DOCK10: variants seen among roughly 807,000 people sequenced by gnomAD.
DOCK10 encodes the protein dedicator of cytokinesis protein 10.
Under a neutral mutation model 280.1 loss-of-function variants are expected in DOCK10, and 145 were observed. That is an observed-to-expected ratio of 0.52 (90% confidence interval 0.45 to 0.59). The LOEUF (loss-of-function observed/expected upper bound fraction) is 0.59. DOCK10 is among the 20% of genes least tolerant of loss of function. The pLI, the probability that DOCK10 is intolerant of heterozygous loss-of-function variation, is 0.00. For synonymous variants in DOCK10, 915 were observed against 942.2 expected, an observed-to-expected ratio of 0.97 and a Z score of 0.53; for missense variants, 2,368 against 2,651.7, an observed-to-expected ratio of 0.89 and a Z score of 2.35.
intron 19 of DOCK10, among the ~76,000 whole-genome samples, chr2:224,846,677 TG>T (rs1696377021): frequency 6.6e-6 from 1 of 152,008 alleles, no homozygotes; most frequent in Non-Finnish European, 1.5e-5. Context: ...TTGTATTTTT[TG>T]TAGAGATAGG....
chr2:224,971,310 G>A (rs996933800), intron 1 of DOCK10, among the ~76,000 whole-genome samples: 2 of 151,992 alleles, frequency 1.3e-5, no homozygotes, highest in African/African-American at 4.8e-5. Context: ...GTGTGGTTGG[G>A]TTGCAAGAGG....
intron 7 of DOCK10, among the ~76,000 whole-genome samples, chr2:224,880,074 C>T (rs1574984899): frequency 6.6e-6 from 1 of 152,112 alleles, no homozygotes; most frequent in Non-Finnish European, 1.5e-5. Context: ...TGAAATGAAA[C>T]ATTACAAAAT....
At chr2:224,847,127 G>T (rs930149661) in intron 19 of DOCK10, among the ~76,000 whole-genome samples, 1 of 152,090 alleles carries the variant, frequency 6.6e-6, no homozygotes, top group African/African-American at 2.4e-5. Flanking sequence ...AATGGATCTA[G>T]GTAAACAATA....
At position 224,936,239 on chromosome 2, in the gene DOCK10, A is replaced by C. The variant is rs146449036; in HGVS notation, c.124-4571T>G. Among the ~76,000 whole-genome samples, 881 of 152,306 alleles carry C rather than the reference A, an allele frequency of 5.8e-3. 13 individuals are homozygous for C. Among genetic ancestry groups the C allele is most frequent in the African/African-American group, 0.02 (822 of 41,580 alleles). On this transcript the variant is annotated intron_variant, in intron 1 of 55. Transcript: ENST00000258390. ...TTACTAAACACTTCAATTCTTCAGCAAAGTTAGTGAACTCACAATATTTTG... is the reference window on the plus strand; with the variant it reads ...TTACTAAACACTTCAATTCTTCAGCCAAGTTAGTGAACTCACAATATTTTG...
At chr2:224,998,415 A>G (rs1394031112) in intron 1 of DOCK10, among the ~76,000 whole-genome samples, 2 of 152,082 alleles carry the variant, frequency 1.3e-5, no homozygotes, top group Non-Finnish European at 2.9e-5. Context: ...CTCTTTTTAA[A>G]TATTTGCTTA....
chr2:224,991,432 T>A (rs752155236), intron 1 of DOCK10, among the ~76,000 whole-genome samples: 1 of 152,184 alleles, frequency 6.6e-6, no homozygotes, highest in Non-Finnish European at 1.5e-5. Context: ...GCATAAATAG[T>A]AGGTGGTATC....
intron 4 of DOCK10, among the ~76,000 whole-genome samples, chr2:224,889,895 A>G (rs945638829): frequency 2.6e-5 from 4 of 152,214 alleles, no homozygotes; most frequent in Non-Finnish European, 5.9e-5. Context: ...TGAGATTCAG[A>G]GGAAGGTTCC....
rs1270360667 is a variant in DOCK10 at position 224,796,431 on chromosome 2, A to AAAAG, written c.4828-9_4828-6dup. Reference sequence around the variant, plus strand: ...CTGGCTCACAGCTTTGATGAGCTAGAAAAGAAAAAAAATGAACTCTCAAAA... The same window carrying AAAAG: ...CTGGCTCACAGCTTTGATGAGCTAGAAAAGAAAGAAAAAAAATGAACTCTCAAAA... On this transcript the variant is annotated splice_region_variant and splice_polypyrimidine_tract_variant and intron_variant, in intron 43 of 55. Transcript: ENST00000258390. 4 of 1,535,832 alleles carry AAAAG rather than the reference A, an allele frequency of 2.6e-6. No homozygotes were observed. The African/African-American group carries it at 5.5e-5, about 21-fold the overall frequency.
Position 224,765,523 on chromosome 2 carries a change from G to T in DOCK10, c.*198C>A. ...TCATGGCAAATATTCAACCTGGCTT[G>T]ATCAACACTGCTCAAAGAAAAAAAA... On this transcript the variant is annotated 3_prime_UTR_variant, in exon 56 of 56. Coordinates refer to ENST00000258390, the MANE Select transcript of DOCK10 (RefSeq NM_014689.3). 2.0e-6 allele frequency: 1 copy of T among 505,126 alleles called. No individual in the cohort carries two copies. The highest frequency in any genetic ancestry group is 3.5e-6 in the Non-Finnish European group (1 of 283,934). 31.3% of individuals were successfully genotyped at this position (505,126 alleles called of 1,614,324 possible).
At chr2:224,880,475 G>A (rs533443929) in intron 7 of DOCK10, among the ~76,000 whole-genome samples, 1 of 152,280 alleles carries the variant, frequency 6.6e-6, no homozygotes, top group African/African-American at 2.4e-5. Flanking sequence ...AAGTATGATT[G>A]TTAAGTCATT....
In DOCK10 at chr2:224,852,829, C is replaced by T. The variant is rs1320411574; in HGVS notation, c.2076+106G>A. The T allele has an allele frequency of 7.1e-6, 7 of 989,386 alleles. No homozygotes were observed. In the East Asian group the frequency reaches 1.8e-4, roughly 25 times the overall value. 61.3% of individuals were successfully genotyped at this position (989,386 alleles called of 1,614,324 possible). ...ATCTTCTCCAAACGGTTTTCTATGA[C>T]AGAGTGTTGCCCCATAGTAATTTGT... On this transcript the variant is annotated intron_variant, in intron 17 of 55. Transcript: ENST00000258390.
At chr2:224,890,521 C>T (rs1308135481) in intron 4 of DOCK10, among the ~76,000 whole-genome samples, 1 of 152,186 alleles carries the variant, frequency 6.6e-6, no homozygotes, top group African/African-American at 2.4e-5. Context: ...TTATGACCAA[C>T]TCAGCTCAGA....
chr2:224,845,660 A>G lies in DOCK10; in HGVS notation c.2236-18T>C, dbSNP rs751656407. 1.1e-5 allele frequency: 18 copies of G among 1,600,580 alleles called. No homozygotes were observed. In the Admixed American group the frequency reaches 2.5e-4, roughly 22 times the overall value. On this transcript the variant is annotated intron_variant, in intron 19 of 55. Coordinates refer to ENST00000258390, the MANE Select transcript of DOCK10 (RefSeq NM_014689.3). ...ATTTTCACCTGCAACGAAAGAAACC[A>G]TAGTTGGACTGAGATTAAAATCATT... is the stretch of plus-strand genomic sequence containing the variant.
At chr2:224,877,191 AT>A in intron 7 of DOCK10, among the ~76,000 whole-genome samples, 3 of 152,198 alleles carry the variant, frequency 2.0e-5, no homozygotes, top group Non-Finnish European at 4.4e-5. Flanking sequence ...ACTTTCCTCA[AT>A]TTTCCAGTCT....
rs747431745 is a variant in DOCK10 at position 224,794,989 on chromosome 2, C to G, written c.5044G>C (p.Val1682Leu). 6.2e-7 allele frequency: 1 copy of G among 1,613,906 alleles called. No individual in the cohort carries two copies. The highest frequency in any genetic ancestry group is 1.7e-5 in the Admixed American group (1 of 60,008). ...TTTGCCAGGCTGTACTGGAGATCCACCAGCATCTCGGGGTCCTTCTCGTGC... is the reference window on the plus strand; with the variant it reads ...TTTGCCAGGCTGTACTGGAGATCCAGCAGCATCTCGGGGTCCTTCTCGTGC... ...KEHEKDPEMLVDLQYSLANSY... is the reference protein window; with the variant it reads ...KEHEKDPEMLLDLQYSLANSY... The change falls in exon 45 of 56, where the codon GTG (valine) becomes CTG (leucine). Residue 1682 changes from valine to leucine, a missense_variant. By Grantham distance (32) the Val-to-Leu change is conservative. Coordinates refer to ENST00000258390, the MANE Select transcript of DOCK10 (RefSeq NM_014689.3).
chr2:224,961,962 G>A (rs1457435336), intron 1 of DOCK10, among the ~76,000 whole-genome samples: 3 of 152,150 alleles, frequency 2.0e-5, no homozygotes, highest in Non-Finnish European at 4.4e-5. Flanking sequence ...GGGGGTACAG[G>A]AATTGCAGGA....
chr2:224,919,319 TGA>T (rs1487718477), intron 2 of DOCK10, among the ~76,000 whole-genome samples: 17 of 92,852 alleles, frequency 1.8e-4, no homozygotes, highest in Non-Finnish European at 4.2e-4. Flanking sequence ...TGTGTCAGTG[TGA>T]GTGTGTGGTG....
intron 30 of DOCK10, 38 bp from the exon 31 acceptor site, chr2:224,814,402 T>A (rs887742746): frequency 1.7e-6 from 2 of 1,166,944 alleles, no homozygotes; most frequent in African/African-American, 1.6e-5. Flanking sequence ...GATATATACA[T>A]ATACATACTC....
At chr2:225,038,971 T>A (rs1690338378) in intron 1 of DOCK10, among the ~76,000 whole-genome samples, 1 of 152,180 alleles carries the variant, frequency 6.6e-6, no homozygotes, top group Non-Finnish European at 1.5e-5. Flanking sequence ...TTACCTATAC[T>A]TTTTTTAAAA....
Sources: gnomAD v4.1 joint callset for allele counts (sites outside exome capture counted in the v4.1 genomes callset) on GRCh38, gnomAD v4.1.1 for gene constraint, MANE v1.5 for transcripts, NCBI Gene and HGNC (gene_info 2026-07-23, HGNC 2026-07-21) for gene names.